The following GDAP1 variants were observed in gnomAD, a reference collection of about 807,000 sequenced individuals.
The protein encoded by GDAP1 is ganglioside-induced differentiation-associated protein 1.
GDAP1 carries 34 observed loss-of-function variants against 40.1 expected under a neutral mutation model. The ratio of observed to expected loss-of-function variants is 0.85; its 90% CI spans 0.64 to 1.13. The LOEUF is 1.13. GDAP1 is among the 50% of genes most tolerant of loss of function. The pLI is 0.00. For missense variants in GDAP1, 374 were observed against 433.7 expected (o/e 0.86, Z 1.22); for synonymous variants, 170 against 157.4 (o/e 1.08, Z -0.60).
At chr8:74,479,224 A>G (rs1420983978) in intron 2 of GDAP1, among the ~76,000 whole-genome samples, 1 of 152,214 alleles carries the variant, frequency 6.6e-6, no homozygotes, top group Non-Finnish European at 1.5e-5. Context: ...ATTTCCAGGT[A>G]GAAGACCTTT....
intron 2 of GDAP1, among the ~76,000 whole-genome samples, chr8:74,445,537 C>A (rs1024559197): frequency 7.9e-5 from 12 of 152,068 alleles, no homozygotes; most frequent in African/African-American, 2.7e-4. Context: ...CCAAAGACAT[C>A]CTAAAAAATA....
intron 2 of GDAP1, among the ~76,000 whole-genome samples, chr8:74,462,971 A>G (rs1806419065): frequency 1.3e-5 from 2 of 151,094 alleles, no homozygotes; most frequent in East Asian, 2.0e-4. Flanking sequence ...AAAAGTTTAT[A>G]GATATTAATG....
intron 2 of GDAP1, among the ~76,000 whole-genome samples, chr8:74,395,458 A>G (rs6982862): frequency 0.19 from 29,198 of 152,140 alleles, 3,050 homozygotes; most frequent in Admixed American, 0.31. Context: ...AGTAAATTGG[A>G]TGAAGAGAAA....
At chr8:74,350,941 C>A (rs1324205850) in intron 1 of GDAP1, among the ~76,000 whole-genome samples, 1 of 152,216 alleles carries the variant, frequency 6.6e-6, no homozygotes, top group Non-Finnish European at 1.5e-5. Context: ...CATTCACTGT[C>A]TTCAGCAAGA....
At chr8:74,422,165 T>C (rs565607921) in intron 2 of GDAP1, among the ~76,000 whole-genome samples, 6 of 142,440 alleles carry the variant, frequency 4.2e-5, no homozygotes, top group African/African-American at 1.2e-4. Context: ...TTTTCTTCTT[T>C]CTTTCTTTTC....
chr8:74,483,280 CA>C (rs1806735998), intron 2 of GDAP1, among the ~76,000 whole-genome samples: 2 of 152,222 alleles, frequency 1.3e-5, no homozygotes, highest in South Asian at 4.1e-4. Context: ...ATAAGATAAA[CA>C]CACAATAACA....
chr8:74,481,670 A>G (rs1313098571), intron 2 of GDAP1, among the ~76,000 whole-genome samples: 1 of 152,214 alleles, frequency 6.6e-6, no homozygotes, highest in Non-Finnish European at 1.5e-5. Flanking sequence ...AGGCCAGTTC[A>G]GATTTGCTCA....
downstream of GDAP1, among the ~76,000 whole-genome samples, chr8:74,371,638 C>A (rs949297836): frequency 2.0e-5 from 3 of 147,438 alleles, no homozygotes; most frequent in Admixed American, 2.0e-4. Context: ...CCAGCCTGGG[C>A]GACAGAGCGA....
At chr8:74,475,466 G>A (rs1806616986) in intron 2 of GDAP1, among the ~76,000 whole-genome samples, 1 of 152,060 alleles carries the variant, frequency 6.6e-6, no homozygotes, top group Non-Finnish European at 1.5e-5. Context: ...GTGTCACAGA[G>A]ATTTTGGTAT....
rs1586808444 is a variant in GDAP1, at chr8:74,365,022, G to A, written c.*655G>A. ...TACCAAGTGGTAATGGTTCCTTACT[G>A]TTTTAGATGGTGCCTGTGAGATACC... On this transcript the variant is annotated 3_prime_UTR_variant, in exon 6 of 6. Transcript: ENST00000220822. The A allele has an allele frequency of 2.2e-6, 1 of 454,066 alleles. No homozygotes were observed. The highest frequency in any genetic ancestry group is 7.0e-5 in the East Asian group (1 of 14,384). 28.1% of individuals were successfully genotyped at this position (454,066 alleles called of 1,614,324 possible).
At chr8:74,362,863 T>C in intron 4 of GDAP1, 76 bp from the exon 5 acceptor site, 1 of 741,366 alleles carries the variant, frequency 1.3e-6, no homozygotes, top group Non-Finnish European at 2.5e-6. Context: ...TAAGAGTTTG[T>C]ATCTGCTTTA....
At chr8:74,393,639 T>G (rs2131544318) in intron 2 of GDAP1, among the ~76,000 whole-genome samples, 1 of 152,296 alleles carries the variant, frequency 6.6e-6, no homozygotes, top group African/African-American at 2.4e-5. Flanking sequence ...CTTGTCGACC[T>G]GGGAGAATAA....
intron 2 of GDAP1, among the ~76,000 whole-genome samples, chr8:74,353,979 G>C (rs1239525146): frequency 6.6e-6 from 1 of 152,078 alleles, no homozygotes; most frequent in Non-Finnish European, 1.5e-5. Flanking sequence ...TCTATTATGT[G>C]CCAGGCATGG....
rs75294039 is a variant in GDAP1 at position 74,362,018 on chromosome 8, G to A, written c.579+40G>A. 2.2e-3 allele frequency: 2,143 copies of A among 995,718 alleles called. 27 individuals are homozygous for A. In the African/African-American group the frequency reaches 0.028, roughly 13 times the overall value. 61.7% of individuals were successfully genotyped at this position (995,718 alleles called of 1,614,324 possible). On this transcript the variant is annotated intron_variant, in intron 4 of 5. Transcript: ENST00000220822. ...TGTCCTCAGTTGACATACACTGCACGGAGTAAATGTTCTACTTTTTGTAAA... is the reference window on the plus strand; with the variant it reads ...TGTCCTCAGTTGACATACACTGCACAGAGTAAATGTTCTACTTTTTGTAAA...
chr8:74,465,576 A>G (rs1806458836), intron 2 of GDAP1, among the ~76,000 whole-genome samples: 1 of 152,086 alleles, frequency 6.6e-6, no homozygotes, highest in Non-Finnish European at 1.5e-5. Flanking sequence ...TTAAAATTGT[A>G]AGTCTGGTCA....
At chr8:74,469,552 C>T (rs1806518434) in intron 2 of GDAP1, among the ~76,000 whole-genome samples, 1 of 151,840 alleles carries the variant, frequency 6.6e-6, no homozygotes, top group Admixed American at 6.6e-5. Flanking sequence ...CCTGTAGTCC[C>T]AGCTACTCGG....
downstream of GDAP1, among the ~76,000 whole-genome samples, chr8:74,370,227 C>G (rs183212028): frequency 6.6e-6 from 1 of 151,988 alleles, no homozygotes; most frequent in Admixed American, 6.6e-5. Context: ...CTGTTTAGAA[C>G]AAGAATAATA....
intron 2 of GDAP1, among the ~76,000 whole-genome samples, chr8:74,356,486 G>A (rs543943243): frequency 1.3e-5 from 2 of 151,900 alleles, no homozygotes; most frequent in South Asian, 4.2e-4. Flanking sequence ...CAAAATCCTG[G>A]ATGCATACAG....
chr8:74,451,092 C>G lies in GDAP1; in HGVS notation c.166-37586C>G, dbSNP rs1806293530. ...ATCCTTTTTGTCATACATTTTATAT[C>G]TACATCTGTTACACACAAATCTTAA... On this transcript the variant is annotated intron_variant, in intron 2 of 2. Transcript: ENST00000523640. 4.8e-5 allele frequency among the ~76,000 whole-genome samples: 4 copies of G among 82,514 alleles called. 2 individuals carry two copies. The highest frequency in any genetic ancestry group is 9.8e-5 in the Non-Finnish European group (4 of 40,944). The allele number at this position is 82,514 out of a possible 152,430, so 54.1% of individuals were successfully genotyped here. A position where few individuals can be genotyped will look rare whatever the true frequency, so the allele number is the denominator to read the frequency against.
Sources: allele counts gnomAD v4.1 joint callset (sites outside exome capture counted in the v4.1 genomes callset), GRCh38; gene constraint gnomAD v4.1.1; transcripts MANE v1.5; gene names NCBI Gene and HGNC (gene_info 2026-07-23, HGNC 2026-07-21).